ADAMTS10: variants seen among roughly 807,000 people sequenced by gnomAD.
The protein encoded by ADAMTS10 is ADAM metallopeptidase with thrombospondin type 1 motif 10.
A neutral mutation model predicts 135.9 loss-of-function variants in ADAMTS10; 48 were observed. The ratio of observed to expected loss-of-function variants is 0.35; its 90% CI spans 0.28 to 0.45. The LOEUF is 0.45. ADAMTS10 is among the 20% of genes least tolerant of loss of function. ADAMTS10 has a pLI of 1.00. For synonymous variants in ADAMTS10, 621 were observed against 647.5 expected (o/e 0.96, Z 0.62); for missense variants, 1,131 against 1,565.2 (o/e 0.72, Z 4.68).
rs2042609082 is a variant in ADAMTS10 at position 8,596,644 on chromosome 19, G to A, written c.1041-59C>T. 1.3e-6 allele frequency: 2 copies of A among 1,591,526 alleles called. No individual in the cohort carries two copies. The highest frequency in any genetic ancestry group is 8.6e-7 in the Non-Finnish European group (1 of 1,165,680). The stretch of plus-strand genomic sequence containing the variant: ...GGCTGTCTCCCTAAGCCCTGCTGAT[G>A]CCACCATGCCCAGCTCTGGGGGTTG... On this transcript the variant is annotated intron_variant, in intron 8 of 25. Transcript: ENST00000597188. This position sits in a 1 kb window ranked among gnomAD's most constrained non-coding sequence, Gnocchi z 7.2.
At chr19:8,598,220 C>G (rs1459493510) in intron 6 of ADAMTS10, among the ~76,000 whole-genome samples, 1 of 152,128 alleles carries the variant, frequency 6.6e-6, no homozygotes, top group Non-Finnish European at 1.5e-5. Context: ...AGAAGTGAGA[C>G]TCAAGTCTGG....
chr19:8,592,535 G>C (rs1160273496), intron 13 of ADAMTS10, among the ~76,000 whole-genome samples: 1 of 151,706 alleles, frequency 6.6e-6, no homozygotes, highest in South Asian at 2.1e-4. Flanking sequence ...GCGGGAGGGA[G>C]TTAAACAGTA....
intron 12 of ADAMTS10, chr19:8,593,343 C>T (rs1391258177): frequency 2.4e-5 from 4 of 167,298 alleles, no homozygotes; most frequent in Admixed American, 2.3e-4. Context: ...GCAAAGTAGC[C>T]GAAGAGAAAG....
rs564214054 is a variant in ADAMTS10 at position 8,593,006 on chromosome 19, G to A, written c.1480-136C>T. The stretch of plus-strand genomic sequence containing the variant: ...GAGCCCGGTGCTCCCTTCCTGGCTC[G>A]CGGTGGGTCTTCGTGCATCCCCTTG... On this transcript the variant is annotated intron_variant, in intron 12 of 25. Transcript: ENST00000597188. 107 of 787,766 alleles carry A rather than the reference G, an allele frequency of 1.4e-4. No individual in the cohort carries two copies. In the East Asian group the frequency reaches 2.7e-3, roughly 20 times the overall value. The allele number at this position is 787,766 out of a possible 1,614,324, so 48.8% of individuals were successfully genotyped here.
Position 8,605,837 on chromosome 19 carries a change from C to A in ADAMTS10, c.-99-28G>T. ...GGGAGGGGGGAGCCAGGTAAGGGGG[C>A]GCCTGGTCCCGCTGTCCAGCACAAC... On this transcript the variant is annotated intron_variant, in intron 2 of 25. Transcript: ENST00000597188. This position sits in a 1 kb window ranked among gnomAD's most constrained non-coding sequence, Gnocchi z 7.7. The A allele has an allele frequency of 6.7e-7, 1 of 1,485,260 alleles. No homozygotes were observed. The highest frequency in any genetic ancestry group is 1.3e-5 in the South Asian group (1 of 77,140). The allele number at this position is 1,485,260 out of a possible 1,614,324, so 92.0% of individuals were successfully genotyped here.
chr19:8,592,126 G>C (rs1053838160), intron 13 of ADAMTS10, 23 bp from the exon 14 acceptor site: 2 of 1,613,450 alleles, frequency 1.2e-6, no homozygotes, highest in Non-Finnish European at 8.5e-7. Flanking sequence ...AGACAGGAAG[G>C]AGTGAGTCCA....
rs782280501 is a variant in ADAMTS10, at chr19:8,601,109, C to T, written c.629G>A (p.Arg210Gln). ...CCTGGCAGGCGGTGGCTTCAAGGTC[C>T]GCAGCCACCATGGCCGCCCTTTCCA... The part of the protein sequence containing the change: ...KPWKGRPWWL[R>Q]TLKPPPARPL... The change falls in exon 6 of 26, where the codon CGG becomes CAG. Residue 210 changes from arginine (R) to glutamine (Q), a missense_variant. Around this residue, in one of 3 missense-constraint regions of ADAMTS10, gnomAD observed 306 missense variants for 344.4 expected, o/e 0.89. Transcript: ENST00000597188. This position sits in a 1 kb window ranked among gnomAD's most constrained non-coding sequence, Gnocchi z 4.6. 32 of 1,613,838 alleles carry T rather than the reference C, an allele frequency of 2.0e-5. No homozygotes were observed. The highest frequency in any genetic ancestry group is 8.3e-5 in the Admixed American group (5 of 60,002).
At position 8,586,665 on chromosome 19, in the gene ADAMTS10, G is replaced by T; in HGVS notation, c.2296C>A (p.Pro766Thr). The T allele has an allele frequency of 6.2e-7, 1 of 1,613,204 alleles. No individual in the cohort carries two copies. The highest frequency in any genetic ancestry group is 8.5e-7 in the Non-Finnish European group (1 of 1,179,294). The change falls in exon 20 of 26, where the codon CCC (proline) becomes ACC (threonine). Residue 766 changes from proline to threonine, a missense_variant. Physicochemically the swap from Pro to Thr is conservative, Grantham distance 38. Coordinates refer to ENST00000597188, the MANE Select transcript of ADAMTS10 (RefSeq NM_030957.4). The stretch of plus-strand genomic sequence containing the variant: ...GTCCCAGCTAGAGGCAGACGGTGGG[G>T]CTGGGGGGTCCCAGGCAGCCCCTCC... ...LLEGLPGTPQ[P>T]HRLPLAGTTF...
chr19:8,585,688 G>C, intron 22 of ADAMTS10, 28 bp from the exon 23 acceptor site: 1 of 1,607,966 alleles, frequency 6.2e-7, no homozygotes, highest in Non-Finnish European at 8.5e-7. Context: ...GTCTGAGCAA[G>C]TAAGCAGGGC....
chr19:8,583,530 G>A (rs1182197398), intron 25 of ADAMTS10, among the ~76,000 whole-genome samples: 1 of 148,836 alleles, frequency 6.7e-6, no homozygotes, highest in Non-Finnish European at 1.5e-5. Flanking sequence ...GACAGAGTGA[G>A]ACTTTGTCTC....
chr19:8,599,210 G>A (rs1555740926), intron 6 of ADAMTS10, among the ~76,000 whole-genome samples: 1 of 152,046 alleles, frequency 6.6e-6, no homozygotes, highest in Non-Finnish European at 1.5e-5. Flanking sequence ...AGGTGGGTTG[G>A]GGAGGTCAGC....
Position 8,600,930 on chromosome 19 carries a change from TG to T in ADAMTS10, c.807del (p.Asn269LysfsTer20), listed in dbSNP as rs1555741433. On this transcript the variant is annotated frameshift_variant, in exon 6 of 26. Transcript: ENST00000597188. LOFTEE classifies it high-confidence loss of function. Reference protein sequence around the residue: ...DVEQYVLAIMNIVAKLFQDSS... With the variant: ...DVEQYVLAIMXIVAKLFQDSS... ...CCCAGGGAGGGGAAGGCACTTACAA[TG>T]TTCATGATGGCCAGGACATACTGCT... 1 of 1,614,096 alleles carries T rather than the reference TG, an allele frequency of 6.2e-7. No individual in the cohort carries two copies.
At chr19:8,607,753 C>T (rs1426936929) in intron 2 of ADAMTS10, among the ~76,000 whole-genome samples, 1 of 151,890 alleles carries the variant, frequency 6.6e-6, no homozygotes, top group Non-Finnish European at 1.5e-5. Flanking sequence ...TATTCTGTGA[C>T]CCCTGTTGCA....
Position 8,585,112 on chromosome 19 carries a change from T to C in ADAMTS10, c.3042+20A>G. On this transcript the variant is annotated intron_variant, in intron 24 of 25. Transcript: ENST00000597188. ...CAGCCCCTGCCCTGGCCCCCACCCCTCTGGGGCGCGCCCTCCTACCTCACC... is the reference window on the plus strand; with the variant it reads ...CAGCCCCTGCCCTGGCCCCCACCCCCCTGGGGCGCGCCCTCCTACCTCACC... 2.1e-6 allele frequency: 3 copies of C among 1,459,912 alleles called. No individual in the cohort carries two copies. Among genetic ancestry groups the C allele is most frequent in the Non-Finnish European group, 2.7e-6 (3 of 1,111,096 alleles). 90.4% of individuals were successfully genotyped at this position (1,459,912 alleles called of 1,614,324 possible). A position where few individuals can be genotyped will look rare whatever the true frequency, so the allele number is the denominator to read the frequency against.
In ADAMTS10 at chr19:8,601,371, T is replaced by G. The variant is rs1555741585; in HGVS notation, c.593-226A>C. ...CATCGTTTTTCTTATTCTTTTTTTT[T>G]TTTTTTTTGAGACGGAGTATCATTC... is the stretch of plus-strand genomic sequence containing the variant. On this transcript the variant is annotated intron_variant, in intron 5 of 25. Transcript: ENST00000597188. This position sits in a 1 kb window ranked among gnomAD's most constrained non-coding sequence, Gnocchi z 4.6. Among the ~76,000 whole-genome samples the G allele has an allele frequency of 6.6e-6, 1 of 151,414 alleles. No individual in the cohort carries two copies. Among genetic ancestry groups the G allele is most frequent in the Admixed American group, 6.6e-5 (1 of 15,216 alleles).
intron 1 of ADAMTS10, among the ~76,000 whole-genome samples, chr19:8,609,591 G>A (rs919239806): frequency 4.6e-5 from 7 of 152,118 alleles, no homozygotes; most frequent in African/African-American, 1.7e-4. Context: ...AGTCCCTGCC[G>A]GAGAGCAGAC....
In ADAMTS10 at chr19:8,596,249, C is replaced by T. The variant is rs539807276; in HGVS notation, c.1191-30G>A. On this transcript the variant is annotated intron_variant, in intron 10 of 25. Coordinates refer to ENST00000597188, the MANE Select transcript of ADAMTS10 (RefSeq NM_030957.4). This position sits in a 1 kb window ranked among gnomAD's most constrained non-coding sequence, Gnocchi z 7.2. ...GGAAAGGGGTGTCGGCTCTGCCGGGCGCTGAGGGACCCGCCCAGCTCCTCC... is the reference window on the plus strand; with the variant it reads ...GGAAAGGGGTGTCGGCTCTGCCGGGTGCTGAGGGACCCGCCCAGCTCCTCC... 8.6e-5 allele frequency: 139 copies of T among 1,613,002 alleles called. No individual in the cohort carries two copies. Among genetic ancestry groups the T allele is most frequent in the South Asian group, 6.3e-4 (57 of 91,076 alleles).
rs782548451 is a variant in ADAMTS10, at chr19:8,596,428, T to A, written c.1085-16A>T. ...GGGGCCAGGCCTGGGAAGACGGACA[T>A]GTGGGGATGGGGCTGGGAGGCTCAG... On this transcript the variant is annotated splice_polypyrimidine_tract_variant and intron_variant, in intron 9 of 25. Coordinates refer to ENST00000597188, the MANE Select transcript of ADAMTS10 (RefSeq NM_030957.4). This position sits in a 1 kb window ranked among gnomAD's most constrained non-coding sequence, Gnocchi z 7.2. 8.1e-6 allele frequency: 13 copies of A among 1,613,808 alleles called. No individual in the cohort carries two copies. The South Asian group carries it at 1.3e-4, about 16-fold the overall frequency.
At chr19:8,592,914 T>A (rs2042559633) in intron 12 of ADAMTS10, 44 bp from the exon 13 acceptor site, 1 of 1,570,578 alleles carries the variant, frequency 6.4e-7, no homozygotes, top group Non-Finnish European at 8.6e-7. Flanking sequence ...CCTCCCTTCC[T>A]CCCTGGGGCA....
Sources: allele counts gnomAD v4.1 joint callset (sites outside exome capture counted in the v4.1 genomes callset), GRCh38; gene constraint gnomAD v4.1.1; regional missense constraint gnomAD v4.1.1; non-coding constraint Gnocchi (gnomAD v3.1); transcripts MANE v1.5; gene names NCBI Gene and HGNC (gene_info 2026-07-23, HGNC 2026-07-21).